The following SDK1 variants were observed in gnomAD, a reference collection of about 807,000 sequenced individuals.
SDK1 encodes protein sidekick-1.
In SDK1, 157 loss-of-function variants were observed where a neutral mutation model predicts 245.5. That is an observed-to-expected ratio of 0.64 (90% CI 0.56 to 0.73). The LOEUF (loss-of-function observed/expected upper bound fraction) is 0.73, where lower values mean the gene tolerates loss of function less well. SDK1 is among the 30% of genes least tolerant of loss of function. The probability of loss-of-function intolerance (pLI) is 0.00; values close to 1 mark genes in which losing one functional copy is unlikely to be tolerated. For missense variants in SDK1, 3,583 were observed against 3,002.3 expected (o/e 1.19, Z -4.52); for synonymous variants, 1,647 against 1,278.5 (o/e 1.29, Z -6.15).
intron 4 of SDK1, among the ~76,000 whole-genome samples, chr7:3,646,000 A>G (rs1005922993): frequency 6.6e-6 from 1 of 152,092 alleles, no homozygotes; most frequent in African/African-American, 2.4e-5. Context: ...CTGAGATTAC[A>G]GGCGCACCCC....
chr7:4,068,449 T>C (rs1780038832), intron 20 of SDK1, among the ~76,000 whole-genome samples: 1 of 152,136 alleles, frequency 6.6e-6, no homozygotes, highest in Admixed American at 6.5e-5. Context: ...CTTACGTGCC[T>C]GTGTCTCAGC....
intron 4 of SDK1, among the ~76,000 whole-genome samples, chr7:3,745,865 C>T (rs1483865528): frequency 6.6e-6 from 1 of 152,098 alleles, no homozygotes; most frequent in East Asian, 1.9e-4. Context: ...TGGATTGAAA[C>T]TATTAATTTG....
intron 1 of SDK1, among the ~76,000 whole-genome samples, chr7:3,335,016 T>G (rs191751130): frequency 8.5e-5 from 13 of 152,298 alleles, no homozygotes; most frequent in Non-Finnish European, 1.8e-4. Flanking sequence ...TGAATCCCAT[T>G]AGTAAATTCT....
At chr7:3,826,595 T>C (rs1779781866) in intron 5 of SDK1, among the ~76,000 whole-genome samples, 1 of 152,274 alleles carries the variant, frequency 6.6e-6, no homozygotes, top group South Asian at 2.1e-4. Flanking sequence ...TTAGTTTAGA[T>C]AAAACGAAAT....
intron 1 of SDK1, among the ~76,000 whole-genome samples, chr7:3,505,703 T>G (rs1225559735): frequency 6.6e-6 from 1 of 152,206 alleles, no homozygotes; most frequent in Non-Finnish European, 1.5e-5. Flanking sequence ...GTCTGTGAAT[T>G]CTGCATCCAC....
chr7:4,018,948 G>A (rs1464053889), intron 17 of SDK1, among the ~76,000 whole-genome samples: 1 of 152,204 alleles, frequency 6.6e-6, no homozygotes, highest in East Asian at 1.9e-4. Context: ...GCAATGAGAA[G>A]AGATAGGGAT....
At chr7:3,368,452 T>G (rs1403432700) in intron 1 of SDK1, among the ~76,000 whole-genome samples, 3 of 152,216 alleles carry the variant, frequency 2.0e-5, no homozygotes, top group Non-Finnish European at 4.4e-5. Context: ...TTCCATCCAA[T>G]TTTCATGGTT....
At chr7:4,034,041 A>G (rs537518294) in intron 17 of SDK1, among the ~76,000 whole-genome samples, 3 of 152,328 alleles carry the variant, frequency 2.0e-5, no homozygotes, top group Admixed American at 2.0e-4. Flanking sequence ...GGGGCACCTC[A>G]GAACTGTGTA....
At chr7:3,685,452 G>A (rs774986891) in intron 4 of SDK1, among the ~76,000 whole-genome samples, 2 of 152,128 alleles carry the variant, frequency 1.3e-5, no homozygotes, top group Non-Finnish European at 2.9e-5. Context: ...TCCTATTGGG[G>A]AAGAGCTGCA....
intron 1 of SDK1, among the ~76,000 whole-genome samples, chr7:3,353,956 A>G (rs757098960): frequency 9.9e-5 from 15 of 151,186 alleles, no homozygotes; most frequent in African/African-American, 3.4e-4. Flanking sequence ...TCATGTTGCA[A>G]CCGGGCTCCA....
chr7:3,322,411 C>CT (rs1404144287), intron 1 of SDK1, among the ~76,000 whole-genome samples: 2 of 152,004 alleles, frequency 1.3e-5, no homozygotes, highest in Admixed American at 6.5e-5. Flanking sequence ...TTGTTTCCAC[C>CT]TTTTGGCTAT....
At chr7:4,182,804 C>G (rs1253313120) in intron 35 of SDK1, among the ~76,000 whole-genome samples, 1 of 152,158 alleles carries the variant, frequency 6.6e-6, no homozygotes, top group Non-Finnish European at 1.5e-5. Flanking sequence ...GGCTGTGAGG[C>G]CACTTTAGGG....
intron 13 of SDK1, among the ~76,000 whole-genome samples, chr7:3,985,217 A>T (rs1439910268): frequency 6.6e-6 from 1 of 152,248 alleles, no homozygotes; most frequent in Non-Finnish European, 1.5e-5. Context: ...TGGTGGCGAA[A>T]ACCGTCCCAG....
intron 1 of SDK1, among the ~76,000 whole-genome samples, chr7:3,391,471 T>C (rs762761845): frequency 6.6e-6 from 1 of 151,974 alleles, no homozygotes; most frequent in Admixed American, 6.6e-5. Context: ...GGAAGTGATT[T>C]TTTTTTTCCT....
Position 4,141,266 on chromosome 7 carries a change from T to C in SDK1, c.4229-4456T>C, listed in dbSNP as rs112348630. On this transcript the variant is annotated intron_variant, in intron 28 of 44. Transcript: ENST00000404826. The stretch of plus-strand genomic sequence containing the variant: ...CAGAAGAGTCAGGTGGGGCCATTGA[T>C]AGAAAGGAGGGTCTGTAAGCAAACC... Among the ~76,000 whole-genome samples the C allele has an allele frequency of 5.2e-3, 784 of 152,178 alleles. 9 individuals are homozygous for C. The highest frequency in any genetic ancestry group is 0.018 in the African/African-American group (731 of 41,520).
At chr7:4,164,308 C>T (rs763517191) in intron 32 of SDK1, among the ~76,000 whole-genome samples, 4 of 152,200 alleles carry the variant, frequency 2.6e-5, no homozygotes, top group Non-Finnish European at 5.9e-5. Context: ...CCCTGAGAGG[C>T]CCCTCTGACT....
intron 19 of SDK1, among the ~76,000 whole-genome samples, chr7:4,063,230 C>A (rs990208619): frequency 3.3e-5 from 5 of 152,162 alleles, no homozygotes; most frequent in African/African-American, 4.8e-5. Context: ...ACTCCTATAT[C>A]TGATAAATAA....
intron 1 of SDK1, among the ~76,000 whole-genome samples, chr7:3,548,020 A>G (rs1409027464): frequency 6.6e-6 from 1 of 152,220 alleles, no homozygotes; most frequent in African/African-American, 2.4e-5. Context: ...TAAAGTGCCA[A>G]TGGAAAAATA....
chr7:3,647,637 C>G (rs1782890957), intron 4 of SDK1, among the ~76,000 whole-genome samples: 2 of 152,004 alleles, frequency 1.3e-5, no homozygotes, highest in Admixed American at 1.3e-4. Context: ...ACCATGTTGC[C>G]CAGGCTGGTC....
Sources: allele counts gnomAD v4.1 joint callset (sites outside exome capture counted in the v4.1 genomes callset), GRCh38; gene constraint gnomAD v4.1.1; transcripts MANE v1.5; gene names NCBI Gene and HGNC (gene_info 2026-07-23, HGNC 2026-07-21).